Variants in FOXO1 observed in about 807,000 individuals in gnomAD.
FOXO1 encodes the protein forkhead box protein O1.
Under a neutral mutation model 44.1 loss-of-function variants are expected in FOXO1, and 6 were observed. That is an observed-to-expected ratio of 0.14 (90% CI 0.07 to 0.27). The LOEUF is 0.27. Among genes scored for constraint, FOXO1 ranks in the 10% least tolerant of loss-of-function variants. FOXO1 has a pLI of 1.00. For missense variants in FOXO1, 737 were observed against 888.8 expected (o/e 0.83, Z 2.17); for synonymous variants, 380 against 362.7 (o/e 1.05, Z -0.54).
Position 40,665,609 on chromosome 13 carries a change from C to A in FOXO1, c.604G>T (p.Asp202Tyr). The A allele has an allele frequency of 6.9e-7, 1 of 1,447,068 alleles. No individual in the cohort carries two copies. Among genetic ancestry groups the A allele is most frequent in the Non-Finnish European group, 9.2e-7 (1 of 1,083,894 alleles). 89.6% of individuals were successfully genotyped at this position (1,447,068 alleles called of 1,614,324 possible). Residue 202 changes from aspartate to tyrosine, a missense_variant, in exon 1 of 3, where the codon GAC (aspartate) becomes TAC (tyrosine). By Grantham distance (160) the Asp-to-Tyr change is radical (BLOSUM62 -3). Coordinates refer to ENST00000379561, the MANE Select transcript of FOXO1 (RefSeq NM_002015.4). ...TTCCAGCCCGCCGAGCTGTTGCTGT[C>A]ACCCTTATCCTTGAAGTAGGGCACG... Reference protein sequence around the residue: ...KSVPYFKDKGDSNSSAGWKNS... With the variant: ...KSVPYFKDKGYSNSSAGWKNS...
intron 1 of FOXO1, among the ~76,000 whole-genome samples, chr13:40,594,605 A>C (rs1455425589): frequency 3.3e-5 from 5 of 152,214 alleles, no homozygotes; most frequent in African/African-American, 4.8e-5. Context: ...AATAAAGAGC[A>C]CAAGATGAAG....
chr13:40,621,396 G>T, intron 1 of FOXO1: 1 of 314,836 alleles, frequency 3.2e-6, no homozygotes, highest in Non-Finnish European at 5.9e-6. Flanking sequence ...AGAACTGAAT[G>T]TTCAAGCATT....
chr13:40,618,937 G>A, intron 1 of FOXO1: 1 of 526,216 alleles, frequency 1.9e-6, no homozygotes, highest in South Asian at 1.4e-5. Flanking sequence ...CAGAAGAACT[G>A]CAACAGTGGT....
At chr13:40,576,886 C>T (rs1874767400) in intron 1 of FOXO1, among the ~76,000 whole-genome samples, 2 of 152,198 alleles carry the variant, frequency 1.3e-5, no homozygotes, top group African/African-American at 2.4e-5. Flanking sequence ...TTGGTTCTTA[C>T]ATTTTGAAGG....
intron 1 of FOXO1, among the ~76,000 whole-genome samples, chr13:40,656,429 T>C (rs1877862614): frequency 1.3e-5 from 2 of 152,238 alleles, no homozygotes; most frequent in Admixed American, 1.3e-4. Flanking sequence ...TTTCTTTCTT[T>C]GAATCACTCT....
At chr13:40,577,668 C>G (rs1478572042) in intron 1 of FOXO1, among the ~76,000 whole-genome samples, 1 of 152,168 alleles carries the variant, frequency 6.6e-6, no homozygotes, top group East Asian at 1.9e-4. Context: ...TTCTCCTCAC[C>G]AGCCCAAACT....
At chr13:40,638,049 C>G (rs962838607) in intron 1 of FOXO1, among the ~76,000 whole-genome samples, 2 of 152,114 alleles carry the variant, frequency 1.3e-5, no homozygotes, top group African/African-American at 4.8e-5. Context: ...ATATGTCTAC[C>G]CACTTAAAAG....
chr13:40,571,718 G>A (rs926460023), intron 1 of FOXO1, among the ~76,000 whole-genome samples: 7 of 152,234 alleles, frequency 4.6e-5, no homozygotes, highest in Admixed American at 4.6e-4. Flanking sequence ...AAACTCATTT[G>A]ACGCTGAAGT....
At position 40,567,494 on chromosome 13, in the gene FOXO1, T is replaced by G. The variant is rs151177076; in HGVS notation, c.631-6634A>C. On this transcript the variant is annotated intron_variant, in intron 1 of 2. Transcript: ENST00000379561. ...GTCCAGTTAGGGTTCAAAGCAAAGC[T>G]CTGTGATTCTACCTGCAACCCCACT... Among the ~76,000 whole-genome samples, 63 of 152,160 alleles carry G rather than the reference T, an allele frequency of 4.1e-4. 2 individuals carry two copies. In the East Asian group the frequency reaches 0.01, roughly 25 times the overall value.
At chr13:40,659,337 G>GAA in intron 1 of FOXO1, among the ~76,000 whole-genome samples, 1 of 141,406 alleles carries the variant, frequency 7.1e-6, no homozygotes, top group Non-Finnish European at 1.5e-5. Context: ...AAAAAGAAAA[G>GAA]AAAAGAAAAG....
intron 1 of FOXO1, among the ~76,000 whole-genome samples, chr13:40,633,883 A>T (rs372237707): frequency 7.2e-4 from 109 of 152,344 alleles, no homozygotes; most frequent in African/African-American, 2.5e-3. Flanking sequence ...CTTATGCTCA[A>T]GTATAGAAAC....
chr13:40,578,249 A>G (rs1386984842), intron 1 of FOXO1, among the ~76,000 whole-genome samples: 1 of 152,180 alleles, frequency 6.6e-6, no homozygotes, highest in Admixed American at 6.5e-5. Flanking sequence ...TCTTAAGTCC[A>G]TCCCTAAGCC....
chr13:40,659,314 CAAAAAAAA>C (rs1210028542), intron 1 of FOXO1, among the ~76,000 whole-genome samples: 2 of 87,636 alleles, frequency 2.3e-5, no homozygotes, highest in Admixed American at 1.3e-4. Context: ...GACTCCGTCT[CAAAAAAAA>C]AAAAAAAAAG....
At chr13:40,640,805 CAG>C (rs1381928977) in intron 1 of FOXO1, among the ~76,000 whole-genome samples, 3 of 146,438 alleles carry the variant, frequency 2.0e-5, no homozygotes, top group Non-Finnish European at 4.5e-5. Flanking sequence ...TTGTTTGAGA[CAG>C]AGTTTTTGCT....
intron 1 of FOXO1, among the ~76,000 whole-genome samples, chr13:40,648,105 A>T (rs1374151297): frequency 3.3e-5 from 5 of 152,108 alleles, no homozygotes; most frequent in Admixed American, 3.3e-4. Context: ...AGTCTGCCTT[A>T]TGTCAATTTA....
At chr13:40,620,525 C>A in intron 1 of FOXO1, 1 of 461,404 alleles carries the variant, frequency 2.2e-6, no homozygotes, top group South Asian at 2.4e-5. Context: ...AGGGTTCAAC[C>A]ACTAGAGAGA....
intron 1 of FOXO1, among the ~76,000 whole-genome samples, chr13:40,657,825 CAAAT>C (rs1266188877): frequency 1.3e-5 from 2 of 151,914 alleles, no homozygotes; most frequent in East Asian, 3.9e-4. Flanking sequence ...AATTATTCAA[CAAAT>C]AAATGGAAAA....
chr13:40,620,150 T>C, intron 1 of FOXO1: 4 of 1,442,328 alleles, frequency 2.8e-6, no homozygotes, highest in Non-Finnish European at 2.9e-6. Flanking sequence ...TCAAGACTTA[T>C]GTCAAGAATA....
intron 1 of FOXO1, among the ~76,000 whole-genome samples, chr13:40,643,447 C>T (rs561727524): frequency 4.6e-5 from 7 of 152,218 alleles, no homozygotes; most frequent in South Asian, 2.1e-4. Context: ...TATTTCCTCC[C>T]GAGTACAGCT....
Sources: gnomAD v4.1 joint callset for allele counts (sites outside exome capture counted in the v4.1 genomes callset) on GRCh38, gnomAD v4.1.1 for gene constraint, MANE v1.5 for transcripts, NCBI Gene and HGNC (gene_info 2026-07-23, HGNC 2026-07-21) for gene names.